The following MYL1 variants were observed in gnomAD, a reference collection of about 807,000 sequenced individuals.
MYL1 encodes myosin light chain 1.
In MYL1, 16 loss-of-function variants were observed where a neutral mutation model predicts 21.8. The ratio of observed to expected loss-of-function variants is 0.74; its 90% CI spans 0.50 to 1.12. The LOEUF is 1.12. MYL1 is among the 50% of genes most tolerant of loss of function. The pLI is 0.00. For synonymous variants in MYL1, 99 were observed against 85.2 expected (o/e 1.16, Z -0.89); for missense variants, 246 against 241.0 (o/e 1.02, Z -0.14).
In MYL1 at chr2:210,309,059, C is replaced by A. The variant is rs1006081628; in HGVS notation, c.132+5852G>T. On this transcript the variant is annotated intron_variant, in intron 1 of 6. Coordinates refer to ENST00000352451, the MANE Select transcript of MYL1 (RefSeq NM_079420.3). ...TTGTTTTAGCTTTCTTATCATAAAT[C>A]ATGTGTCTTTTGATGAAATAACTTC... Among the ~76,000 whole-genome samples, 54 of 151,994 alleles carry A rather than the reference C, an allele frequency of 3.6e-4. 1 individual carries two copies. Among genetic ancestry groups the A allele is most frequent in the African/African-American group, 1.1e-3 (46 of 41,416 alleles).
At chr2:210,314,837 G>C in intron 1 of MYL1, 74 bp downstream of exon 1, 1 of 1,513,400 alleles carries the variant, frequency 6.6e-7, no homozygotes, top group Non-Finnish European at 9.1e-7. Flanking sequence ...AAAAATACAC[G>C]CCTTTGCAAG....
intron 6 of MYL1, 78 bp downstream of exon 6, chr2:210,290,954 T>C: frequency 1.1e-6 from 1 of 889,860 alleles, no homozygotes; most frequent in Non-Finnish European, 1.8e-6. Flanking sequence ...ATCTATAGCA[T>C]ATAAACTGAA....
At chr2:210,303,801 C>G (rs1690300366) in intron 1 of MYL1, among the ~76,000 whole-genome samples, 2 of 152,106 alleles carry the variant, frequency 1.3e-5, no homozygotes, top group Non-Finnish European at 2.9e-5. Flanking sequence ...GAGTAGACAG[C>G]CATAGTGAGA....
chr2:210,315,120 A>G lies in MYL1; in HGVS notation c.-78T>C. 1 of 1,556,710 alleles carries G rather than the reference A, an allele frequency of 6.4e-7. No individual in the cohort carries two copies. The highest frequency in any genetic ancestry group is 8.6e-7 in the Non-Finnish European group (1 of 1,156,676). On this transcript the variant is annotated 5_prime_UTR_variant, in exon 1 of 7. Transcript: ENST00000352451. The stretch of plus-strand genomic sequence containing the variant: ...CTGTCAAAATGATTCTTGGAAGAGG[A>G]GTGGTGGTTGGGTTGATCCACAGCC...
chr2:210,305,787 G>A (rs1026820985), intron 1 of MYL1, among the ~76,000 whole-genome samples: 1 of 152,158 alleles, frequency 6.6e-6, no homozygotes, highest in Non-Finnish European at 1.5e-5. Flanking sequence ...AGGGCTGGGT[G>A]TGGTGGCTCA....
chr2:210,315,097 G>T lies in MYL1; in HGVS notation c.-55C>A. 6.3e-7 allele frequency: 1 copy of T among 1,578,212 alleles called. No homozygotes were observed. The highest frequency in any genetic ancestry group is 8.5e-7 in the Non-Finnish European group (1 of 1,170,544). ...AGAAGGAGTTCCTCCAAAAGAACCT[G>T]TCAAAATGATTCTTGGAAGAGGAGT... is the stretch of plus-strand genomic sequence containing the variant. On this transcript the variant is annotated 5_prime_UTR_variant, in exon 1 of 7. Transcript: ENST00000352451.
chr2:210,311,970 T>A (rs1690425412), intron 1 of MYL1, among the ~76,000 whole-genome samples: 1 of 152,034 alleles, frequency 6.6e-6, no homozygotes, highest in Non-Finnish European at 1.5e-5. Context: ...GAGAGTATCA[T>A]AAAATTTGTG....
intron 6 of MYL1, among the ~76,000 whole-genome samples, chr2:210,290,827 A>G (rs1425487858): frequency 6.6e-6 from 1 of 151,974 alleles, no homozygotes; most frequent in African/African-American, 2.4e-5. Context: ...GGAAGCAAAA[A>G]CCTCATAGGT....
At chr2:210,291,421 C>T (rs373973468) in intron 5 of MYL1, among the ~76,000 whole-genome samples, 5 of 152,200 alleles carry the variant, frequency 3.3e-5, no homozygotes, top group African/African-American at 1.2e-4. Context: ...TGTCACTGTG[C>T]CCAGCTATGG....
At chr2:210,294,182 C>G (rs2125738855) in intron 4 of MYL1, 63 bp downstream of exon 4, 1 of 1,412,188 alleles carries the variant, frequency 7.1e-7, no homozygotes, top group East Asian at 2.5e-5. Flanking sequence ...TGACATGATT[C>G]TCCTGTCATG....
chr2:210,310,307 G>C (rs1014592057), intron 1 of MYL1, among the ~76,000 whole-genome samples: 1 of 151,980 alleles, frequency 6.6e-6, no homozygotes, highest in African/African-American at 2.4e-5. Context: ...GAGTAGTTAG[G>C]GTTAAGGTTT....
chr2:210,293,863 G>C, intron 4 of MYL1, 63 bp from the exon 5 acceptor site: 1 of 1,447,016 alleles, frequency 6.9e-7, no homozygotes, highest in Non-Finnish European at 9.7e-7. Flanking sequence ...ATCCACCATA[G>C]GTCATCAGTC....
rs1448961527 is a variant in MYL1 at position 210,303,812 on chromosome 2, T to C, written c.133-1297A>G. On this transcript the variant is annotated intron_variant, in intron 1 of 6. Transcript: ENST00000352451. The stretch of plus-strand genomic sequence containing the variant: ...CTTGGAGTAGACAGCCATAGTGAGA[T>C]GGAAGCCTGCCGGTACTTTTATGGT... Among the ~76,000 whole-genome samples, 3 of 152,330 alleles carry C rather than the reference T, an allele frequency of 2.0e-5. No individual in the cohort carries two copies. In the East Asian group the frequency reaches 5.8e-4, roughly 29 times the overall value.
intron 3 of MYL1, among the ~76,000 whole-genome samples, chr2:210,297,510 T>G (rs1401565686): frequency 1.3e-5 from 2 of 148,728 alleles, no homozygotes; most frequent in Non-Finnish European, 3.0e-5. Context: ...TTTATTGGAT[T>G]ATTCGTGGGT....
At chr2:210,297,504 T>A (rs1690194923) in intron 3 of MYL1, among the ~76,000 whole-genome samples, 1 of 149,952 alleles carries the variant, frequency 6.7e-6, no homozygotes, top group Non-Finnish European at 1.5e-5. Context: ...CATTTTTTTA[T>A]TGGATTATTC....
chr2:210,298,386 A>T (rs1166953500), intron 3 of MYL1, 34 bp downstream of exon 3: 1 of 1,609,850 alleles, frequency 6.2e-7, no homozygotes, highest in Admixed American at 1.7e-5. Context: ...ACTTCCCTAT[A>T]CTTCCACACT....
intron 5 of MYL1, among the ~76,000 whole-genome samples, chr2:210,291,604 C>T (rs1188914722): frequency 1.3e-5 from 2 of 152,138 alleles, no homozygotes; most frequent in Non-Finnish European, 2.9e-5. Flanking sequence ...AAATGGCATA[C>T]TCTATACATT....
Position 210,314,976 on chromosome 2 carries a change from C to T in MYL1, c.67G>A (p.Ala23Thr). The T allele has an allele frequency of 3.7e-6, 6 of 1,612,700 alleles. No individual in the cohort carries two copies. The highest frequency in any genetic ancestry group is 5.1e-6 in the Non-Finnish European group (6 of 1,179,468). Residue 23 changes from alanine to threonine, a missense_variant, in exon 1 of 7, where the codon GCA becomes ACA. By Grantham distance (58) the Ala-to-Thr change is moderately conservative. Coordinates refer to ENST00000352451, the MANE Select transcript of MYL1 (RefSeq NM_079420.3). ...GCTGGGGCAGGGGCAGGTGCAGGTG[C>T]CGGTGCCGGGGCTGGGGCAGCCGCA... The part of the protein sequence containing the change: ...AAAAAPAPAP[A>T]PAPAPAPAKP...
chr2:210,300,134 T>C (rs1690241793), intron 2 of MYL1, among the ~76,000 whole-genome samples: 1 of 152,168 alleles, frequency 6.6e-6, no homozygotes. Context: ...AACTGAACTA[T>C]TCTTGTTACT....
Sources: gnomAD v4.1 joint callset for allele counts (sites outside exome capture counted in the v4.1 genomes callset) on GRCh38, gnomAD v4.1.1 for gene constraint, MANE v1.5 for transcripts, NCBI Gene and HGNC (gene_info 2026-07-23, HGNC 2026-07-21) for gene names.